The following GALNT13 variants were observed in gnomAD, a reference collection of about 807,000 sequenced individuals.
GALNT13 encodes the protein polypeptide N-acetylgalactosaminyltransferase 13.
In GALNT13, 28 loss-of-function variants were observed where a neutral mutation model predicts 64.2. The ratio of observed to expected loss-of-function variants is 0.44; its 90% CI spans 0.32 to 0.60. GALNT13 has a LOEUF of 0.60. GALNT13 is among the 20% of genes least tolerant of loss of function. GALNT13 has a pLI of 0.05. For missense variants in GALNT13, 577 were observed against 669.8 expected, an observed-to-expected ratio of 0.86 and a Z score of 1.53; for synonymous variants, 214 against 224.6, an observed-to-expected ratio of 0.95 and a Z score of 0.42.
the GALNT13 span, among the ~76,000 whole-genome samples, chr2:153,440,612 G>C: frequency 1.3e-5 from 2 of 152,252 alleles, no homozygotes; most frequent in African/African-American, 4.8e-5. Flanking sequence ...TCCAGCATCT[G>C]TTTTTTCCTA....
At chr2:153,238,131 T>C in the GALNT13 span, among the ~76,000 whole-genome samples, 1 of 152,124 alleles carries the variant, frequency 6.6e-6, no homozygotes, top group Non-Finnish European at 1.5e-5. Context: ...TTTGCATGTC[T>C]TCTTTTTGGG....
At chr2:153,636,102 G>T in the GALNT13 span, among the ~76,000 whole-genome samples, 1 of 151,888 alleles carries the variant, frequency 6.6e-6, no homozygotes, top group Non-Finnish European at 1.5e-5. Context: ...GACACAAAAC[G>T]CCCGTTATAT....
At chr2:153,207,366 G>A in the GALNT13 span, among the ~76,000 whole-genome samples, 1 of 152,006 alleles carries the variant, frequency 6.6e-6, no homozygotes, top group African/African-American at 2.4e-5. Context: ...CTTTTGGCAG[G>A]GAGGCAAGAC....
chr2:153,612,634 A>AAAC, the GALNT13 span, among the ~76,000 whole-genome samples: 3 of 152,052 alleles, frequency 2.0e-5, no homozygotes, highest in African/African-American at 4.8e-5. Flanking sequence ...TAAGAAAACA[A>AAAC]AGAAAAAAAG....
chr2:153,690,469 AG>A, the GALNT13 span, among the ~76,000 whole-genome samples: 1 of 152,146 alleles, frequency 6.6e-6, no homozygotes, highest in African/African-American at 2.4e-5. Flanking sequence ...CAAGAATCTC[AG>A]TTTAAAGCTT....
the GALNT13 span, among the ~76,000 whole-genome samples, chr2:153,277,111 A>G: frequency 6.6e-6 from 1 of 152,174 alleles, no homozygotes; most frequent in South Asian, 2.1e-4. Flanking sequence ...ATATGGGTAT[A>G]TTGTGCGACG....
intron 4 of GALNT13, among the ~76,000 whole-genome samples, chr2:154,143,556 TTTTTC>T (rs1393389931): frequency 6.6e-6 from 1 of 152,034 alleles, no homozygotes; most frequent in Admixed American, 6.6e-5. Flanking sequence ...TGATTTTTTT[TTTTTC>T]TTTTAAGAAT....
chr2:154,355,087 T>C (rs983849149), intron 9 of GALNT13, among the ~76,000 whole-genome samples: 4 of 152,078 alleles, frequency 2.6e-5, no homozygotes, highest in African/African-American at 9.7e-5. Context: ...ACCTTAAGCT[T>C]TTCAGACCCC....
chr2:154,090,736 A>G (rs1701763658), intron 3 of GALNT13, among the ~76,000 whole-genome samples: 1 of 152,040 alleles, frequency 6.6e-6, no homozygotes, highest in Admixed American at 6.6e-5. Context: ...TATTTATCCT[A>G]TTCACTGCCT....
chr2:154,004,240 T>G (rs1335715540), intron 3 of GALNT13, among the ~76,000 whole-genome samples: 2 of 151,996 alleles, frequency 1.3e-5, no homozygotes, highest in African/African-American at 2.4e-5. Flanking sequence ...GGAGTCTTGC[T>G]CTGTCTCCAG....
chr2:153,134,358 T>C, the GALNT13 span, among the ~76,000 whole-genome samples: 1 of 151,786 alleles, frequency 6.6e-6, no homozygotes, highest in East Asian at 1.9e-4. Context: ...TAAAATTTTA[T>C]ATAGGTATGA....
chr2:153,725,976 G>T, the GALNT13 span, among the ~76,000 whole-genome samples: 1 of 151,964 alleles, frequency 6.6e-6, no homozygotes, highest in African/African-American at 2.4e-5. Context: ...GAAATCCATA[G>T]AGTAGCTCTT....
chr2:153,386,296 G>T, the GALNT13 span, among the ~76,000 whole-genome samples: 1 of 152,000 alleles, frequency 6.6e-6, no homozygotes, highest in Non-Finnish European at 1.5e-5. Context: ...GTTAAGTGGG[G>T]AACTACATTA....
At chr2:153,763,279 G>T in the GALNT13 span, among the ~76,000 whole-genome samples, 6 of 152,020 alleles carry the variant, frequency 3.9e-5, no homozygotes, top group Non-Finnish European at 8.8e-5. Flanking sequence ...TTTAAAGAAG[G>T]TCCTCTAGTC....
chr2:153,595,270 A>G, the GALNT13 span, among the ~76,000 whole-genome samples: 1 of 151,886 alleles, frequency 6.6e-6, no homozygotes, highest in Non-Finnish European at 1.5e-5. Flanking sequence ...AAAAAAAATC[A>G]CACTCAAAGT....
At chr2:154,007,291 T>C (rs1014229605) in intron 3 of GALNT13, among the ~76,000 whole-genome samples, 1 of 152,178 alleles carries the variant, frequency 6.6e-6, no homozygotes, top group Non-Finnish European at 1.5e-5. Flanking sequence ...TCACCAATCG[T>C]GTGAGCTCAA....
chr2:153,572,738 A>G, the GALNT13 span, among the ~76,000 whole-genome samples: 1 of 151,838 alleles, frequency 6.6e-6, no homozygotes, highest in Non-Finnish European at 1.5e-5. Context: ...ATTTCTATGT[A>G]TTTGTATAGT....
intron 9 of GALNT13, among the ~76,000 whole-genome samples, chr2:154,346,676 A>G (rs1280961107): frequency 1.3e-5 from 2 of 152,074 alleles, no homozygotes; most frequent in Non-Finnish European, 2.9e-5. Context: ...TCTTTCCTTT[A>G]TAAATTACCC....
At chr2:153,262,861 G>C in the GALNT13 span, among the ~76,000 whole-genome samples, 122 of 152,076 alleles carry the variant, frequency 8.0e-4, 1 homozygote, top group African/African-American at 2.9e-3. Context: ...ATGGGAAAAA[G>C]GTGGAAGCAT....
Sources: allele counts gnomAD v4.1 joint callset (sites outside exome capture counted in the v4.1 genomes callset), GRCh38; gene constraint gnomAD v4.1.1; transcripts MANE v1.5; gene names NCBI Gene and HGNC (gene_info 2026-07-23, HGNC 2026-07-21).